The following CCDC102B variants were observed in gnomAD, a reference collection of about 807,000 sequenced individuals.
The protein encoded by CCDC102B is coiled-coil domain containing 102B.
Under a neutral mutation model 57.4 loss-of-function variants are expected in CCDC102B, and 75 were observed. That is an observed-to-expected ratio of 1.31 (90% CI 1.08 to 1.58). The LOEUF (loss-of-function observed/expected upper bound fraction) is 1.58. Among genes scored for constraint, CCDC102B ranks in the 40% most tolerant of loss-of-function variants. The probability of loss-of-function intolerance (pLI) is 0.00; values close to 1 mark genes in which losing one functional copy is unlikely to be tolerated. For missense variants in CCDC102B, 636 were observed against 582.6 expected, an observed-to-expected ratio of 1.09 and a Z score of -0.94; for synonymous variants, 206 against 201.9, an observed-to-expected ratio of 1.02 and a Z score of -0.17.
At chr18:68,880,208 C>T (rs939059691) in intron 5 of CCDC102B, among the ~76,000 whole-genome samples, 1 of 152,240 alleles carries the variant, frequency 6.6e-6, no homozygotes, top group African/African-American at 2.4e-5. Flanking sequence ...GCTGGGGGAC[C>T]CAGTACACCC....
chr18:68,718,754 A>G (rs2032166300), intron 2 of CCDC102B, among the ~76,000 whole-genome samples: 1 of 152,210 alleles, frequency 6.6e-6, no homozygotes, highest in Admixed American at 6.5e-5. Flanking sequence ...TCCCTAGAGA[A>G]TCTGACCCAG....
chr18:68,771,543 G>A (rs1411453565), intron 2 of CCDC102B, among the ~76,000 whole-genome samples: 1 of 152,124 alleles, frequency 6.6e-6, no homozygotes, highest in Non-Finnish European at 1.5e-5. Flanking sequence ...CTTGCTCTCT[G>A]GGGTTTAGGT....
intron 1 of CCDC102B, among the ~76,000 whole-genome samples, chr18:68,823,164 T>G (rs1049802145): frequency 6.6e-6 from 1 of 152,222 alleles, no homozygotes; most frequent in African/African-American, 2.4e-5. Flanking sequence ...TCGCATAGGT[T>G]GTAACCAATT....
intron 4 of CCDC102B, among the ~76,000 whole-genome samples, chr18:68,874,085 T>C (rs543956706): frequency 6.6e-6 from 1 of 152,050 alleles, no homozygotes; most frequent in East Asian, 1.9e-4. Flanking sequence ...TTCTGTTTTT[T>C]TCTGCAGTCA....
At chr18:68,939,438 A>G (rs1165087970) in intron 6 of CCDC102B, among the ~76,000 whole-genome samples, 1 of 151,716 alleles carries the variant, frequency 6.6e-6, no homozygotes, top group Non-Finnish European at 1.5e-5. Context: ...ACATCCTTCT[A>G]TTCCAAACAT....
At chr18:68,993,579 A>T (rs975223795) in intron 6 of CCDC102B, among the ~76,000 whole-genome samples, 4 of 152,208 alleles carry the variant, frequency 2.6e-5, no homozygotes, top group Non-Finnish European at 5.9e-5. Context: ...AATTTAAATG[A>T]CCGATTTTAT....
At chr18:69,018,926 G>A (rs1354361692) in intron 7 of CCDC102B, among the ~76,000 whole-genome samples, 1 of 151,910 alleles carries the variant, frequency 6.6e-6, no homozygotes, top group Non-Finnish European at 1.5e-5. Flanking sequence ...CCATTCTGAG[G>A]TTATTTTTGT....
intron 7 of CCDC102B, among the ~76,000 whole-genome samples, chr18:69,047,988 T>G (rs952530761): frequency 2.4e-4 from 37 of 152,152 alleles, no homozygotes; most frequent in African/African-American, 8.7e-4. Context: ...ATGCTATTCC[T>G]ATCAAACTAC....
intron 6 of CCDC102B, among the ~76,000 whole-genome samples, chr18:68,991,849 C>T (rs2050876276): frequency 6.6e-6 from 1 of 152,088 alleles, no homozygotes; most frequent in Non-Finnish European, 1.5e-5. Flanking sequence ...TATTAGAAAA[C>T]AAGTCTAAAC....
At chr18:68,778,096 A>T (rs945150871) in intron 2 of CCDC102B, among the ~76,000 whole-genome samples, 1 of 152,168 alleles carries the variant, frequency 6.6e-6, no homozygotes, top group Non-Finnish European at 1.5e-5. Flanking sequence ...ATCTAACAGC[A>T]GAACAACTTT....
intron 1 of CCDC102B, among the ~76,000 whole-genome samples, chr18:68,815,677 T>TACACACACACACAC (rs10592850): frequency 0.05 from 7,486 of 149,176 alleles, 391 homozygotes; most frequent in African/African-American, 0.14. Flanking sequence ...TCCATTTACA[T>TACACACACACACAC]ACACACACAC....
intron 2 of CCDC102B, among the ~76,000 whole-genome samples, chr18:68,767,647 A>G (rs77835528): frequency 0.013 from 1,954 of 152,336 alleles, 36 homozygotes; most frequent in African/African-American, 0.044. Flanking sequence ...TAGAAGCAGT[A>G]AAAGGTCATA....
intron 6 of CCDC102B, among the ~76,000 whole-genome samples, chr18:69,002,941 T>G (rs967949444): frequency 2.6e-5 from 4 of 152,166 alleles, no homozygotes; most frequent in South Asian, 4.2e-4. Context: ...GTTAGAAGAG[T>G]TCTCCCACCT....
intron 5 of CCDC102B, among the ~76,000 whole-genome samples, chr18:68,879,893 C>T (rs970893717): frequency 1.3e-5 from 2 of 152,232 alleles, no homozygotes; most frequent in African/African-American, 2.4e-5. Flanking sequence ...CATAAAGGTT[C>T]TCCACGTCCC....
At chr18:69,003,914 G>A (rs2051272328) in intron 6 of CCDC102B, among the ~76,000 whole-genome samples, 1 of 152,018 alleles carries the variant, frequency 6.6e-6, no homozygotes, top group Non-Finnish European at 1.5e-5. Context: ...CTAGTTTTCT[G>A]TGGTATTGAA....
chr18:68,776,963 T>C (rs988043291), intron 2 of CCDC102B, among the ~76,000 whole-genome samples: 6 of 152,198 alleles, frequency 3.9e-5, no homozygotes, highest in Admixed American at 3.9e-4. Flanking sequence ...TACTTATATA[T>C]TGTGTCTCTG....
chr18:68,855,508 TAC>T (rs2038341824), intron 4 of CCDC102B, among the ~76,000 whole-genome samples: 1 of 152,204 alleles, frequency 6.6e-6, no homozygotes, highest in Non-Finnish European at 1.5e-5. Context: ...CCACTTAAAA[TAC>T]AGTTAAGTGG....
chr18:68,983,870 C>T (rs568077682), intron 6 of CCDC102B, among the ~76,000 whole-genome samples: 1 of 151,910 alleles, frequency 6.6e-6, no homozygotes, highest in South Asian at 2.1e-4. Flanking sequence ...ATGATCAGAG[C>T]TGCATGTTTA....
At chr18:69,023,947 TAATCAATTATCTTTATG>T (rs1238105796) in intron 7 of CCDC102B, among the ~76,000 whole-genome samples, 3 of 152,096 alleles carry the variant, frequency 2.0e-5, no homozygotes, top group Non-Finnish European at 4.4e-5. Context: ...TTTTCTGCTT[TAATCAATTATCTTTATG>T]CCAAAATCAT....
Sources: allele counts gnomAD v4.1 joint callset (sites outside exome capture counted in the v4.1 genomes callset), GRCh38; gene constraint gnomAD v4.1.1; transcripts MANE v1.5; gene names NCBI Gene and HGNC (gene_info 2026-07-23, HGNC 2026-07-21).